KCNQ2: variants seen among roughly 807,000 people sequenced by gnomAD.
The protein encoded by KCNQ2 is potassium voltage-gated channel subfamily Q member 2, also known as potassium voltage-gated channel subfamily KQT member 2.
A neutral mutation model predicts 84.8 loss-of-function variants in KCNQ2; 14 were observed. The observed-to-expected ratio is 0.17, with a 90% confidence interval of 0.11 to 0.26. The LOEUF (loss-of-function observed/expected upper bound fraction) is 0.26. Among genes scored for constraint, KCNQ2 ranks in the 10% least tolerant of loss-of-function variants. KCNQ2 has a pLI of 1.00. For synonymous variants in KCNQ2, 599 were observed against 554.1 expected (o/e 1.08, Z -1.14); for missense variants, 788 against 1,254.0 (o/e 0.63, Z 5.61).
At chr20:63,463,295 G>A (rs2082002669) in intron 1 of KCNQ2, among the ~76,000 whole-genome samples, 1 of 152,092 alleles carries the variant, frequency 6.6e-6, no homozygotes, top group Admixed American at 6.5e-5. Flanking sequence ...CGGACATCAG[G>A]CCCTGCCTGG....
chr20:63,438,810 C>A lies in KCNQ2; in HGVS notation c.928-90G>T, dbSNP rs1348033159. 4.1e-6 allele frequency: 4 copies of A among 982,070 alleles called. No homozygotes were observed. In the East Asian group the frequency reaches 1.0e-4, roughly 25 times the overall value. The allele number at this position is 982,070 out of a possible 1,614,324, so 60.8% of individuals were successfully genotyped here. A position where few individuals can be genotyped will look rare whatever the true frequency, so the allele number is the denominator to read the frequency against. On this transcript the variant is annotated intron_variant, in intron 6 of 16. Transcript: ENST00000359125. This position sits in a 1 kb window ranked among gnomAD's most constrained non-coding sequence, Gnocchi z 5.1. ...ACCATGCTCTGGGGCCCCACACCCC[C>A]CCCAATTCATCAGGGTCAGACCACA...
chr20:63,444,440 G>A (rs2081351247), intron 4 of KCNQ2, among the ~76,000 whole-genome samples: 1 of 152,206 alleles, frequency 6.6e-6, no homozygotes, highest in African/African-American at 2.4e-5. Flanking sequence ...GCTTTCTGGA[G>A]ACAGATGACA....
rs1346828118 is a variant in KCNQ2 at position 63,425,114 on chromosome 20, TCTC to T, written c.1218-911_1218-909del. 1.3e-5 allele frequency among the ~76,000 whole-genome samples: 2 copies of T among 152,074 alleles called. No individual in the cohort carries two copies. The highest frequency in any genetic ancestry group is 1.3e-4 in the Admixed American group (2 of 15,274). ...CGACATTCTCTGTGTCTCTGTGTCTTCTCCTCCTCTACCTCTGTAAGGACAGCT... is the reference window on the plus strand; with the variant it reads ...CGACATTCTCTGTGTCTCTGTGTCTTCTCCTCTACCTCTGTAAGGACAGCT... On this transcript the variant is annotated intron_variant, in intron 10 of 16. Coordinates refer to ENST00000359125, the MANE Select transcript of KCNQ2 (RefSeq NM_172107.4). The surrounding 1 kb of genome is among the most constrained non-coding windows in gnomAD (Gnocchi z 5.5).
chr20:63,409,849 T>A (rs2080065250), intron 15 of KCNQ2: 1 of 74,370 alleles, frequency 1.3e-5, no homozygotes, highest in African/African-American at 7.5e-5. Flanking sequence ...GGGCGGGACT[T>A]CCTGCCACTG....
chr20:63,468,839 C>T (rs970308644), intron 1 of KCNQ2, among the ~76,000 whole-genome samples: 1 of 150,014 alleles, frequency 6.7e-6, no homozygotes, highest in African/African-American at 2.4e-5. Context: ...AAGCAATCTG[C>T]ACCCCCAAGC....
chr20:63,438,572 A>T lies in KCNQ2; in HGVS notation c.1023+53T>A. 1 of 1,506,798 alleles carries T rather than the reference A, an allele frequency of 6.6e-7. No individual in the cohort carries two copies. Among genetic ancestry groups the T allele is most frequent in the African/African-American group, 1.4e-5 (1 of 72,868 alleles). The allele number at this position is 1,506,798 out of a possible 1,614,324, so 93.3% of individuals were successfully genotyped here. A position where few individuals can be genotyped will look rare whatever the true frequency, so the allele number is the denominator to read the frequency against. On this transcript the variant is annotated intron_variant, in intron 7 of 16. Coordinates refer to ENST00000359125, the MANE Select transcript of KCNQ2 (RefSeq NM_172107.4). This position sits in a 1 kb window ranked among gnomAD's most constrained non-coding sequence, Gnocchi z 5.1. ...CCCCAGCGGCCTCCACTCCTCAACA[A>T]GGTGGGACCAGGACAAGGGCTGTGC...
In KCNQ2 at chr20:63,400,922, C is replaced by T. The variant is rs2079796732; in HGVS notation, c.*5722G>A. On this transcript the variant is annotated 3_prime_UTR_variant, in exon 17 of 17. Transcript: ENST00000359125. The surrounding 1 kb of genome is among the most constrained non-coding windows in gnomAD (Gnocchi z 8.7). ...GGCACAGCCAGGGGGCATGGGGCGA[C>T]CTCAGGGAGTTCCTGTCCACATGCA... 2.5e-6 allele frequency: 1 copy of T among 398,128 alleles called. No homozygotes were observed. The highest frequency in any genetic ancestry group is 4.4e-6 in the Non-Finnish European group (1 of 225,776). 24.7% of individuals were successfully genotyped at this position (398,128 alleles called of 1,614,324 possible).
intron 10 of KCNQ2, among the ~76,000 whole-genome samples, chr20:63,426,246 C>T (rs2080631845): frequency 6.6e-6 from 1 of 152,244 alleles, no homozygotes; most frequent in Non-Finnish European, 1.5e-5. Flanking sequence ...GCCGCAACGC[C>T]GTTAGACAAG....
chr20:63,411,831 C>T, intron 15 of KCNQ2: 2 of 698,418 alleles, frequency 2.9e-6, no homozygotes, highest in Non-Finnish European at 5.3e-6. Flanking sequence ...TGGTGGGGTA[C>T]TTCTTGTGCC....
At chr20:63,452,258 C>T (rs1376182726) in intron 1 of KCNQ2, among the ~76,000 whole-genome samples, 1 of 152,266 alleles carries the variant, frequency 6.6e-6, no homozygotes, top group African/African-American at 2.4e-5. Context: ...CCCACGTACA[C>T]CCCGAGGACG....
chr20:63,424,194 CG>C lies in KCNQ2; in HGVS notation c.1229del (p.Pro410ArgfsTer30), dbSNP rs886041339. 6.4e-7 allele frequency: 1 copy of C among 1,555,964 alleles called. No homozygotes were observed. The highest frequency in any genetic ancestry group is 2.4e-5 in the East Asian group (1 of 41,862). Reference protein sequence around the residue: ...KSGLAFRKDPPPEPSPSKGSP... With the variant: ...KSGLAFRKDPXPEPSPSKGSP... ...GCACTGACCTTGGAGACGGCTCCGG[CG>C]GGGGGTCCTTCCTTCAAACAGAAGC... On this transcript the variant is annotated frameshift_variant, in exon 11 of 17. Transcript: ENST00000359125. LOFTEE classifies it high-confidence loss of function.
intron 1 of KCNQ2, among the ~76,000 whole-genome samples, chr20:63,451,272 C>T (rs1375383769): frequency 6.6e-6 from 1 of 152,200 alleles, no homozygotes; most frequent in Non-Finnish European, 1.5e-5. Context: ...GTCTCACAGT[C>T]ACCTGCAGCA....
At chr20:63,432,512 ATCCACCCACAGGGAAGGC>A (rs2080845566) in intron 8 of KCNQ2, among the ~76,000 whole-genome samples, 1 of 65,590 alleles carries the variant, frequency 1.5e-5, no homozygotes, top group Non-Finnish European at 3.0e-5. Context: ...TCAGGGAAGG[ATCCACCCACAGGGAAGGC>A]TCCACCCTCT....
rs148654588 is a variant in KCNQ2, at chr20:63,442,427, C to T, written c.795G>A (p.Ala265=). The change falls in exon 5 of 17, where the codon GCG becomes GCA. Residue 265 remains alanine, a synonymous_variant. Coordinates refer to ENST00000359125, the MANE Select transcript of KCNQ2 (RefSeq NM_172107.4). ...TCACCAGGCCCCACCAGAGTGCATC[C>T]GCGTAGGTGTCAAAGTGGTCGTTCT... is the stretch of plus-strand genomic sequence containing the variant. ...KGENDHFDTY[A]DALWWGLITL... 7.4e-5 allele frequency: 119 copies of T among 1,613,868 alleles called. No homozygotes were observed. The African/African-American group carries it at 1.1e-3, about 15-fold the overall frequency.
intron 1 of KCNQ2, among the ~76,000 whole-genome samples, chr20:63,447,106 C>T (rs1045894138): frequency 6.6e-6 from 1 of 152,016 alleles, no homozygotes; most frequent in Non-Finnish European, 1.5e-5. Context: ...ACGCACCCCC[C>T]TCTCCACTCT....
rs368130496 is a variant in KCNQ2, at chr20:63,415,008, C to T, written c.1420G>A (p.Glu474Lys). 5 of 1,610,932 alleles carry T rather than the reference C, an allele frequency of 3.1e-6. No homozygotes were observed. The highest frequency in any genetic ancestry group is 1.3e-5 in the African/African-American group (1 of 74,922). ...RRSPSADQSL[E>K]DSPSKVPKSW... ...TTGGGCACCTTGCTGGGGCTGTCCT[C>T]GAGGCTCTGGTCGGCGCTGGGTGAC... is the stretch of plus-strand genomic sequence containing the variant. The change falls in exon 13 of 17, where the codon GAG (glutamate) becomes AAG (lysine). Residue 474 changes from glutamate to lysine, a missense_variant. Glu to Lys is a moderately conservative substitution (Grantham distance 56, BLOSUM62 1). Transcript: ENST00000359125.
chr20:63,406,507 A>C lies in KCNQ2; in HGVS notation c.*137T>G. On this transcript the variant is annotated 3_prime_UTR_variant, in exon 17 of 17. Coordinates refer to ENST00000359125, the MANE Select transcript of KCNQ2 (RefSeq NM_172107.4). The stretch of plus-strand genomic sequence containing the variant: ...CAGGAGCCCCCATCCTTCAGCCCAC[A>C]TGGGCCCCTCCAGGGCCCACCCTTC... 1.9e-6 allele frequency: 2 copies of C among 1,050,114 alleles called. No homozygotes were observed. Among genetic ancestry groups the C allele is most frequent in the Middle Eastern group, 3.2e-4 (1 of 3,136 alleles). 65.0% of individuals were successfully genotyped at this position (1,050,114 alleles called of 1,614,324 possible). A position where few individuals can be genotyped will look rare whatever the true frequency, so the allele number is the denominator to read the frequency against.
At chr20:63,418,502 G>A (rs776195929) in intron 12 of KCNQ2, among the ~76,000 whole-genome samples, 3 of 152,106 alleles carry the variant, frequency 2.0e-5, no homozygotes, top group Non-Finnish European at 2.9e-5. Context: ...GGGGCTGCTC[G>A]CAGCAGGACA....
At position 63,415,337 on chromosome 20, in the gene KCNQ2, C is replaced by T. The variant is rs544274770; in HGVS notation, c.1302-211G>A. On this transcript the variant is annotated intron_variant, in intron 12 of 16. Coordinates refer to ENST00000359125, the MANE Select transcript of KCNQ2 (RefSeq NM_172107.4). ...GGGAGGGAGGGGAGGCCACGGGGAC[C>T]GAGCACCCGGTGGGAGGGAGGGAGG... Among the ~76,000 whole-genome samples, 1,438 of 116,392 alleles carry T rather than the reference C, an allele frequency of 0.012. 77 individuals are homozygous for T. The highest frequency in any genetic ancestry group is 0.049 in the African/African-American group (1,332 of 27,152). The allele number at this position is 116,392 out of a possible 152,430, so 76.4% of individuals were successfully genotyped here. A position where few individuals can be genotyped will look rare whatever the true frequency, so the allele number is the denominator to read the frequency against.
Sources: gnomAD v4.1 joint callset for allele counts (sites outside exome capture counted in the v4.1 genomes callset) on GRCh38, gnomAD v4.1.1 for gene constraint, Gnocchi (gnomAD v3.1) non-coding constraint, MANE v1.5 for transcripts, NCBI Gene and HGNC (gene_info 2026-07-23, HGNC 2026-07-21) for gene names.